WDR7: variants seen among roughly 807,000 people sequenced by gnomAD.
WDR7 encodes WD repeat domain 7.
A neutral mutation model predicts 169.4 loss-of-function variants in WDR7; 46 were observed. That is an observed-to-expected ratio of 0.27 (90% CI 0.21 to 0.35). WDR7 has a LOEUF of 0.35. Among genes scored for constraint, WDR7 ranks in the 10% least tolerant of loss-of-function variants. WDR7 has a pLI of 1.00. For missense variants in WDR7, 1,534 were observed against 1,859.3 expected, an observed-to-expected ratio of 0.83 and a Z score of 3.22; for synonymous variants, 612 against 666.8, an observed-to-expected ratio of 0.92 and a Z score of 1.27.
intron 26 of WDR7, among the ~76,000 whole-genome samples, chr18:57,005,519 T>C (rs963759727): frequency 1.3e-5 from 2 of 152,164 alleles, no homozygotes; most frequent in East Asian, 1.9e-4. Context: ...CAAGCTAATA[T>C]GAAATCTGGA....
chr18:56,703,032 G>T (rs1042656254), intron 12 of WDR7, among the ~76,000 whole-genome samples: 1 of 152,166 alleles, frequency 6.6e-6, no homozygotes, highest in African/African-American at 2.4e-5. Context: ...ATTAGTTAAA[G>T]AATGAATACT....
At chr18:56,957,777 A>G (rs1052142170) in intron 25 of WDR7, among the ~76,000 whole-genome samples, 5 of 152,136 alleles carry the variant, frequency 3.3e-5, no homozygotes, top group African/African-American at 1.2e-4. Context: ...TAGATTTAAG[A>G]TGGTTTCATG....
chr18:56,685,395 C>T (rs1293581007), intron 5 of WDR7, among the ~76,000 whole-genome samples: 6 of 152,184 alleles, frequency 3.9e-5, no homozygotes, highest in Admixed American at 1.3e-4. Context: ...CTGGAGCCTA[C>T]GTTGACTGCT....
rs2048382224 is a variant in WDR7, at chr18:57,027,392, G to C, written c.*185G>C. On this transcript the variant is annotated 3_prime_UTR_variant, in exon 28 of 28. Coordinates refer to ENST00000254442, the MANE Select transcript of WDR7 (RefSeq NM_015285.3). Reference sequence around the variant, plus strand: ...GCAGAACCCGCTCGTGCCATCTGTCGATTCAGAGGCACGCACACATGCTCT... The same window carrying C: ...GCAGAACCCGCTCGTGCCATCTGTCCATTCAGAGGCACGCACACATGCTCT... 2.9e-6 allele frequency: 2 copies of C among 692,386 alleles called. No homozygotes were observed. The highest frequency in any genetic ancestry group is 3.8e-5 in the South Asian group (2 of 52,452). The allele number at this position is 692,386 out of a possible 1,614,324, so 42.9% of individuals were successfully genotyped here. A position where few individuals can be genotyped will look rare whatever the true frequency, so the allele number is the denominator to read the frequency against.
chr18:56,848,827 A>G (rs949089797), intron 20 of WDR7, among the ~76,000 whole-genome samples: 1 of 152,110 alleles, frequency 6.6e-6, no homozygotes, highest in African/African-American at 2.4e-5. Context: ...GGCCTCCCCA[A>G]AAGCCAAGAA....
chr18:56,739,526 C>T (rs1401370805), intron 14 of WDR7, among the ~76,000 whole-genome samples: 1 of 151,940 alleles, frequency 6.6e-6, no homozygotes, highest in Non-Finnish European at 1.5e-5. Flanking sequence ...TATATTTAAA[C>T]TCTGTTCTTT....
intron 26 of WDR7, among the ~76,000 whole-genome samples, chr18:56,998,491 C>G (rs972538476): frequency 6.6e-6 from 1 of 152,126 alleles, no homozygotes; most frequent in Non-Finnish European, 1.5e-5. Context: ...ACTCTATCAG[C>G]AGACTTGAAA....
chr18:56,657,805 G>A (rs2024810509), intron 1 of WDR7, among the ~76,000 whole-genome samples: 1 of 152,180 alleles, frequency 6.6e-6, no homozygotes, highest in South Asian at 2.1e-4. Context: ...GTCCTTGTGA[G>A]TCCAAGGAAA....
intron 19 of WDR7, among the ~76,000 whole-genome samples, chr18:56,809,340 G>A (rs55805878): frequency 4.6e-5 from 7 of 151,620 alleles, no homozygotes; most frequent in East Asian, 1.9e-4. Flanking sequence ...TTTAAATAAC[G>A]CAATTTGTGC....
chr18:56,669,614 A>G (rs915378915), intron 1 of WDR7, among the ~76,000 whole-genome samples: 2 of 152,106 alleles, frequency 1.3e-5, no homozygotes, highest in Non-Finnish European at 2.9e-5. Flanking sequence ...GAAAGATAGC[A>G]TATGCCCTCA....
chr18:57,002,758 G>A (rs2048002352), intron 26 of WDR7, among the ~76,000 whole-genome samples: 1 of 152,128 alleles, frequency 6.6e-6, no homozygotes. Context: ...TCATTTTCTA[G>A]TTGTCATTTG....
At chr18:56,779,733 A>G (rs1300470337) in intron 18 of WDR7, among the ~76,000 whole-genome samples, 184 bp downstream of exon 18, 1 of 152,228 alleles carries the variant, frequency 6.6e-6, no homozygotes, top group South Asian at 2.1e-4. Context: ...GTAATGCTCC[A>G]GCTGGTTTAT....
chr18:56,681,115 G>C (rs910604551), intron 3 of WDR7, among the ~76,000 whole-genome samples, 198 bp from the exon 4 acceptor site: 1 of 152,098 alleles, frequency 6.6e-6, no homozygotes, highest in African/African-American at 2.4e-5. Flanking sequence ...GGACTATGGT[G>C]GGGGGTGGGC....
chr18:56,870,985 A>G (rs2045944710), intron 20 of WDR7, among the ~76,000 whole-genome samples: 1 of 152,212 alleles, frequency 6.6e-6, no homozygotes, highest in Non-Finnish European at 1.5e-5. Flanking sequence ...TGTGCTGATA[A>G]TGCCATATCA....
At chr18:56,990,042 C>A (rs927238501) in intron 26 of WDR7, among the ~76,000 whole-genome samples, 3 of 152,126 alleles carry the variant, frequency 2.0e-5, no homozygotes, top group Non-Finnish European at 2.9e-5. Flanking sequence ...CCTTACTATT[C>A]CTATTTTTTA....
chr18:56,923,890 C>T, intron 21 of WDR7, 32 bp from the exon 22 acceptor site: 1 of 1,486,324 alleles, frequency 6.7e-7, no homozygotes, highest in Non-Finnish European at 8.9e-7. Context: ...TAAAATTCCC[C>T]TTTTGCTCTG....
At chr18:56,777,744 TC>T (rs1472409401) in intron 17 of WDR7, among the ~76,000 whole-genome samples, 2 of 152,208 alleles carry the variant, frequency 1.3e-5, no homozygotes, top group African/African-American at 4.8e-5. Context: ...TCTGGAATCT[TC>T]CAGTGGCCAT....
chr18:56,707,979 G>T (rs985269138), intron 12 of WDR7, among the ~76,000 whole-genome samples: 8 of 151,368 alleles, frequency 5.3e-5, no homozygotes, highest in African/African-American at 1.9e-4. Context: ...AGAAAGGAAA[G>T]AGAAAGTTTT....
intron 19 of WDR7, among the ~76,000 whole-genome samples, chr18:56,802,928 G>T (rs1226809577): frequency 6.6e-6 from 1 of 151,448 alleles, no homozygotes; most frequent in Non-Finnish European, 1.5e-5. Context: ...TTTTCGAGAG[G>T]TGTTACAGCT....
Sources: allele counts gnomAD v4.1 joint callset (sites outside exome capture counted in the v4.1 genomes callset), GRCh38; gene constraint gnomAD v4.1.1; transcripts MANE v1.5; gene names NCBI Gene and HGNC (gene_info 2026-07-23, HGNC 2026-07-21).